ZNF32: variants seen among roughly 807,000 people sequenced by gnomAD.
ZNF32 encodes the protein zinc finger protein 32.
In ZNF32, 13 loss-of-function variants were observed where a neutral mutation model predicts 24.4. The ratio of observed to expected loss-of-function variants is 0.53; its 90% CI spans 0.35 to 0.85. ZNF32 has a LOEUF of 0.85. Among genes scored for constraint, ZNF32 ranks in the 40% least tolerant of loss-of-function variants. The probability of loss-of-function intolerance (pLI) is 0.01; values close to 1 mark genes in which losing one functional copy is unlikely to be tolerated. For missense variants in ZNF32, 239 were observed against 325.3 expected (o/e 0.73, Z 2.04); for synonymous variants, 115 against 117.4 (o/e 0.98, Z 0.13).
chr10:43,645,661 A>G (rs186780026), intron 2 of ZNF32, among the ~76,000 whole-genome samples: 265 of 152,152 alleles, frequency 1.7e-3, no homozygotes, highest in Non-Finnish European at 2.8e-3. Context: ...CTCTATGCAG[A>G]TATTGACTTT....
rs1839254207 is a variant in ZNF32 at position 43,645,440 on chromosome 10, T to C, written c.70+624A>G. On this transcript the variant is annotated intron_variant, in intron 2 of 2. Transcript: ENST00000374433. Reference sequence around the variant, plus strand: ...CTGGGTACTTTACATCTATCATTGCTAATCCCTGCAACCCTACAAGATAGA... The same window carrying C: ...CTGGGTACTTTACATCTATCATTGCCAATCCCTGCAACCCTACAAGATAGA... Among the ~76,000 whole-genome samples the C allele has an allele frequency of 2.0e-5, 3 of 152,218 alleles. No homozygotes were observed. In the South Asian group the frequency reaches 6.2e-4, roughly 32 times the overall value.
At chr10:43,645,744 AC>A (rs1213261455) in intron 2 of ZNF32, among the ~76,000 whole-genome samples, 1 of 151,876 alleles carries the variant, frequency 6.6e-6, no homozygotes, top group African/African-American at 2.4e-5. Context: ...ATCACCATTA[AC>A]AGTTTTCTTG....
chr10:43,645,335 T>C (rs972597507), intron 2 of ZNF32, among the ~76,000 whole-genome samples: 2 of 152,222 alleles, frequency 1.3e-5, no homozygotes, highest in African/African-American at 4.8e-5. Context: ...CTGCATTTGC[T>C]TCTTCAGAAA....
At chr10:43,646,309 A>G (rs1839285510) in intron 1 of ZNF32, 107 bp from the exon 2 acceptor site, 2 of 692,418 alleles carry the variant, frequency 2.9e-6, no homozygotes, top group African/African-American at 1.8e-5. Context: ...TAAGAAACCT[A>G]GATTGTTTGA....
rs547298681 is a variant in ZNF32, at chr10:43,646,110, G to T, written c.24C>A (p.Thr8=). 68 of 1,614,142 alleles carry T rather than the reference G, an allele frequency of 4.2e-5. No homozygotes were observed. The African/African-American group carries it at 8.4e-4, about 20-fold the overall frequency. The part of the protein sequence containing the change: MFGFPTA[T]LLDCHGRYAQ... ...CATATCTTCCATGACAGTCCAGCAGGGTAGCTGTTGGAAATCCAAACATGT... is the reference window on the plus strand; with the variant it reads ...CATATCTTCCATGACAGTCCAGCAGTGTAGCTGTTGGAAATCCAAACATGT... The change falls in exon 2 of 3, where the codon ACC becomes ACA. Residue 8 remains threonine, a synonymous_variant. Transcript: ENST00000374433.
intron 2 of ZNF32, 174 bp downstream of exon 2, chr10:43,645,890 G>C: frequency 7.3e-7 from 1 of 1,362,790 alleles, no homozygotes; most frequent in South Asian, 1.7e-5. Context: ...CTCTTGCTCT[G>C]TTTCTACTAT....
At position 43,644,094 on chromosome 10, in the gene ZNF32, G is replaced by T; in HGVS notation, c.778C>A (p.Leu260Met). 3.7e-6 allele frequency: 6 copies of T among 1,614,158 alleles called. No homozygotes were observed. Among genetic ancestry groups the T allele is most frequent in the Non-Finnish European group, 5.1e-6 (6 of 1,179,992 alleles). The change falls in exon 3 of 3, where the codon CTG becomes ATG. Residue 260 changes from leucine to methionine, a missense_variant. By Grantham distance (15) the Leu-to-Met change is conservative. Transcript: ENST00000374433. This position sits in a 1 kb window ranked among gnomAD's most constrained non-coding sequence, Gnocchi z 5.3. ...GAGCAGCTTCGCTGGTGCACAGCCA[G>T]ACTCCCTCTCTGGGTGAAGCTTTTT... ...CGKSFTQRGS[L>M]AVHQRSCSQR...
chr10:43,644,346 G>C lies in ZNF32; in HGVS notation c.526C>G (p.Leu176Val). 1 of 1,613,758 alleles carries C rather than the reference G, an allele frequency of 6.2e-7. No individual in the cohort carries two copies. The highest frequency in any genetic ancestry group is 8.5e-7 in the Non-Finnish European group (1 of 1,179,756). ...CQRSFRNQSN[L>V]AVHRRVHSGE... ...CTGTGAACTCTCCTGTGAACAGCAA[G>C]GTTACTCTGATTCCTGAAGCTTCTC... Residue 176 changes from leucine (L) to valine (V), a missense_variant, in exon 3 of 3, where the codon CTT becomes GTT. Leu to Val is a conservative substitution (Grantham distance 32). Coordinates refer to ENST00000374433, the MANE Select transcript of ZNF32 (RefSeq NM_006973.3). This position sits in a 1 kb window ranked among gnomAD's most constrained non-coding sequence, Gnocchi z 5.3.
In ZNF32 at chr10:43,644,849, G is replaced by A. The variant is rs1450230014; in HGVS notation, c.71-48C>T. The A allele has an allele frequency of 6.5e-7, 1 of 1,531,170 alleles. No homozygotes were observed. The highest frequency in any genetic ancestry group is 8.7e-7 in the Non-Finnish European group (1 of 1,143,068). 94.8% of individuals were successfully genotyped at this position (1,531,170 alleles called of 1,614,324 possible). A position where few individuals can be genotyped will look rare whatever the true frequency, so the allele number is the denominator to read the frequency against. On this transcript the variant is annotated intron_variant, in intron 2 of 2. Coordinates refer to ENST00000374433, the MANE Select transcript of ZNF32 (RefSeq NM_006973.3). This position sits in a 1 kb window ranked among gnomAD's most constrained non-coding sequence, Gnocchi z 5.3. ...ATATAAGAAGCACCAATAATGCTGA[G>A]TTAGAATAGGGAAAAAGAAACATAA... is the stretch of plus-strand genomic sequence containing the variant.
intron 1 of ZNF32, chr10:43,647,904 G>A (rs1046392841): frequency 6.6e-6 from 1 of 152,204 alleles, no homozygotes; most frequent in Non-Finnish European, 1.5e-5. Context: ...GGACCTCCGT[G>A]ATTAGTAAGG....
chr10:43,644,379 T>G lies in ZNF32; in HGVS notation c.493A>C (p.Ile165Leu). Residue 165 changes from isoleucine to leucine, a missense_variant, in exon 3 of 3, where the codon ATT (isoleucine) becomes CTT (leucine). Physicochemically the swap from Ile to Leu is conservative, Grantham distance 5 (BLOSUM62 2). Coordinates refer to ENST00000374433, the MANE Select transcript of ZNF32 (RefSeq NM_006973.3). The surrounding 1 kb of genome is among the most constrained non-coding windows in gnomAD (Gnocchi z 5.3). ...HTGQKPYECAICQRSFRNQSN... is the reference protein window; with the variant it reads ...HTGQKPYECALCQRSFRNQSN... The stretch of plus-strand genomic sequence containing the variant: ...TGATTCCTGAAGCTTCTCTGACAAA[T>G]AGCACACTCGTAGGGTTTCTGTCCA... 6.2e-7 allele frequency: 1 copy of G among 1,613,634 alleles called. No individual in the cohort carries two copies.
Position 43,643,871 on chromosome 10 carries a change from T to G in ZNF32, c.*179A>C. 3.1e-6 allele frequency: 2 copies of G among 645,548 alleles called. No individual in the cohort carries two copies. Among genetic ancestry groups the G allele is most frequent in the Non-Finnish European group, 5.2e-6 (2 of 387,564 alleles). 40.0% of individuals were successfully genotyped at this position (645,548 alleles called of 1,614,324 possible). A position where few individuals can be genotyped will look rare whatever the true frequency, so the allele number is the denominator to read the frequency against. On this transcript the variant is annotated 3_prime_UTR_variant, in exon 3 of 3. Transcript: ENST00000374433. ...TATAAAACATACATGATAATGATAA[T>G]AAACAAGACATTTATTTTTCATACT...
rs1394432550 is a variant in ZNF32 at position 43,644,317 on chromosome 10, A to C, written c.555T>G (p.Gly185=). Residue 185 remains glycine (G), a synonymous_variant, in exon 3 of 3, where the codon GGT becomes GGG. Coordinates refer to ENST00000374433, the MANE Select transcript of ZNF32 (RefSeq NM_006973.3). The surrounding 1 kb of genome is among the most constrained non-coding windows in gnomAD (Gnocchi z 5.3). Reference sequence around the variant, plus strand: ...ACTGATCACATCTATAGGGCTTCTCACCACTGTGAACTCTCCTGTGAACAG... The same window carrying C: ...ACTGATCACATCTATAGGGCTTCTCCCCACTGTGAACTCTCCTGTGAACAG... The part of the protein sequence containing the change: ...NLAVHRRVHS[G]EKPYRCDQCG... 6 of 1,614,088 alleles carry C rather than the reference A, an allele frequency of 3.7e-6. No individual in the cohort carries two copies. The highest frequency in any genetic ancestry group is 1.7e-5 in the Admixed American group (1 of 60,010).
chr10:43,647,174 C>T (rs922467606), intron 1 of ZNF32: 11 of 152,118 alleles, frequency 7.2e-5, no homozygotes, highest in South Asian at 2.1e-4. Flanking sequence ...TCAACGGATC[C>T]TCCCACTTCA....
chr10:43,647,109 C>G (rs2132382445), intron 1 of ZNF32: 1 of 152,146 alleles, frequency 6.6e-6, no homozygotes, highest in South Asian at 2.1e-4. Flanking sequence ...CTCTGTTGCC[C>G]AGGCTGGAGT....
chr10:43,644,131 G>T lies in ZNF32; in HGVS notation c.741C>A (p.Cys247Ter), dbSNP rs533903341. Residue 247 changes from cysteine (C) to a stop codon, truncating the protein, a stop_gained, in exon 3 of 3, where the codon TGC becomes TGA. Transcript: ENST00000374433. LOFTEE classifies it high-confidence loss of function. The surrounding 1 kb of genome is among the most constrained non-coding windows in gnomAD (Gnocchi z 5.3). Reference sequence around the variant, plus strand: ...GGGTGAAGCTTTTTCCACACTGGCCGCACAGATAGGGTGTCTCTCCTGTGT... The same window carrying T: ...GGGTGAAGCTTTTTCCACACTGGCCTCACAGATAGGGTGTCTCTCCTGTGT... ...KIHTGETPYL[C>*]GQCGKSFTQR... 6.2e-7 allele frequency: 1 copy of T among 1,614,178 alleles called. No homozygotes were observed. The highest frequency in any genetic ancestry group is 1.7e-5 in the Admixed American group (1 of 60,016).
chr10:43,648,234 C>T (rs575938477), intron 1 of ZNF32, among the ~76,000 whole-genome samples: 19 of 152,294 alleles, frequency 1.2e-4, no homozygotes, highest in African/African-American at 4.6e-4. Context: ...GACCACCAGA[C>T]TTAAGATCTA....
chr10:43,644,509 A>T lies in ZNF32; in HGVS notation c.363T>A (p.Val121=). ...CTCCCGTGTGTATCCGTTGATGTGT[A>T]ACAAGATTGCCTTTGGCCCTGAAGC... The part of the protein sequence containing the change: ...GKSFRAKGNL[V]THQRIHTGEK... Residue 121 remains valine (V), a synonymous_variant, in exon 3 of 3, where the codon GTT becomes GTA. Transcript: ENST00000374433. The surrounding 1 kb of genome is among the most constrained non-coding windows in gnomAD (Gnocchi z 5.3). 6.2e-7 allele frequency: 1 copy of T among 1,614,194 alleles called. No individual in the cohort carries two copies. The highest frequency in any genetic ancestry group is 8.5e-7 in the Non-Finnish European group (1 of 1,180,036).
Position 43,644,988 on chromosome 10 carries a change from G to A in ZNF32, c.71-187C>T, listed in dbSNP as rs1240811800. 1 of 666,852 alleles carries A rather than the reference G, an allele frequency of 1.5e-6. No individual in the cohort carries two copies. The highest frequency in any genetic ancestry group is 1.8e-5 in the African/African-American group (1 of 55,000). 41.3% of individuals were successfully genotyped at this position (666,852 alleles called of 1,614,324 possible). A position where few individuals can be genotyped will look rare whatever the true frequency, so the allele number is the denominator to read the frequency against. ...TGGGAGCAAAGGGAGCCTGTCAAAG[G>A]TCACAGAGCTAGGTAAGTTAGAGCT... is the stretch of plus-strand genomic sequence containing the variant. On this transcript the variant is annotated intron_variant, in intron 2 of 2. Coordinates refer to ENST00000374433, the MANE Select transcript of ZNF32 (RefSeq NM_006973.3). This position sits in a 1 kb window ranked among gnomAD's most constrained non-coding sequence, Gnocchi z 5.3.
Sources: allele counts gnomAD v4.1 joint callset (sites outside exome capture counted in the v4.1 genomes callset), GRCh38; gene constraint gnomAD v4.1.1; non-coding constraint Gnocchi (gnomAD v3.1); transcripts MANE v1.5; gene names NCBI Gene and HGNC (gene_info 2026-07-23, HGNC 2026-07-21).